Variants in DNAJC11 observed in about 807,000 individuals in gnomAD.
DNAJC11 encodes DnaJ heat shock protein family (Hsp40) member C11, also known as dnaJ homolog subfamily C member 11.
In DNAJC11, 15 loss-of-function variants were observed where a neutral mutation model predicts 78.6. The observed-to-expected ratio is 0.19, with a 90% CI of 0.13 to 0.29. The LOEUF (loss-of-function observed/expected upper bound fraction) is 0.29. Among genes scored for constraint, DNAJC11 ranks in the 10% least tolerant of loss-of-function variants. The pLI, the probability that DNAJC11 is intolerant of heterozygous loss-of-function variation, is 1.00. For missense variants in DNAJC11, 547 were observed against 709.6 expected (o/e 0.77, Z 2.60); for synonymous variants, 292 against 272.1 (o/e 1.07, Z -0.72).
At chr1:6,689,844 T>C (rs111627676) in intron 1 of DNAJC11, among the ~76,000 whole-genome samples, 1,519 of 151,478 alleles carry the variant, frequency 0.01, 16 homozygotes, top group South Asian at 0.021. Flanking sequence ...GGACAGGGAA[T>C]GTGCAACTGG....
At chr1:6,641,100 A>C (rs1641867715) in intron 10 of DNAJC11, among the ~76,000 whole-genome samples, 1 of 151,854 alleles carries the variant, frequency 6.6e-6, no homozygotes, top group African/African-American at 2.4e-5. Context: ...AACACTCAAA[A>C]CTTGGCCAGG....
At chr1:6,662,132 T>TG (rs1234051243) in intron 4 of DNAJC11, among the ~76,000 whole-genome samples, 4 of 146,714 alleles carry the variant, frequency 2.7e-5, no homozygotes, top group South Asian at 4.4e-4. Context: ...TTTTTTGTTT[T>TG]TTGTTTTTTT....
intron 7 of DNAJC11, among the ~76,000 whole-genome samples, chr1:6,646,438 G>A (rs1004426573): frequency 4.6e-5 from 7 of 152,190 alleles, no homozygotes; most frequent in Admixed American, 2.0e-4. Context: ...CCTTCAGTGT[G>A]GGCTTGGAGT....
In DNAJC11 at chr1:6,667,819, A is replaced by C; in HGVS notation, c.277-9T>G. The C allele has an allele frequency of 1.2e-6, 2 of 1,612,804 alleles. No individual in the cohort carries two copies. Among genetic ancestry groups the C allele is most frequent in the Non-Finnish European group, 1.7e-6 (2 of 1,179,300 alleles). On this transcript the variant is annotated splice_polypyrimidine_tract_variant and intron_variant, in intron 3 of 15. Coordinates refer to ENST00000377577, the MANE Select transcript of DNAJC11 (RefSeq NM_018198.4). ...CTCCTCCTTTCCACAACCTATGCAC[A>C]GAATCAAGATGGGAAGACAGTTGAG...
chr1:6,650,168 C>T (rs1234015958), intron 7 of DNAJC11, among the ~76,000 whole-genome samples: 1 of 151,872 alleles, frequency 6.6e-6, no homozygotes, highest in Non-Finnish European at 1.5e-5. Context: ...CCCAGCTACT[C>T]AGGAGGGTCA....
chr1:6,669,680 G>A (rs1002655216), intron 3 of DNAJC11, among the ~76,000 whole-genome samples: 4 of 152,084 alleles, frequency 2.6e-5, no homozygotes, highest in Non-Finnish European at 5.9e-5. Context: ...AGAGGCAACC[G>A]CACTGCACGA....
chr1:6,636,770 G>A (rs561896598), intron 14 of DNAJC11, among the ~76,000 whole-genome samples: 45 of 152,334 alleles, frequency 3.0e-4, no homozygotes, highest in African/African-American at 1.1e-3. Context: ...ATCCCACACA[G>A]TAGATGCTGA....
At position 6,634,179 on chromosome 1, in the gene DNAJC11, G is replaced by C; in HGVS notation, c.*1496C>G. 2.3e-6 allele frequency: 3 copies of C among 1,286,116 alleles called. No homozygotes were observed. The highest frequency in any genetic ancestry group is 2.5e-5 in the South Asian group (2 of 78,578). The allele number at this position is 1,286,116 out of a possible 1,614,324, so 79.7% of individuals were successfully genotyped here. On this transcript the variant is annotated 3_prime_UTR_variant, in exon 16 of 16. Transcript: ENST00000377577. ...GAAGAGCGCCAGCCTCTGCTTTCAG[G>C]AAAGGTTTATTGTGGTGAGTGCCTT...
chr1:6,658,657 A>AG (rs1642165543), intron 4 of DNAJC11, among the ~76,000 whole-genome samples: 1 of 151,976 alleles, frequency 6.6e-6, no homozygotes, highest in African/African-American at 2.4e-5. Context: ...AAATTGAAAA[A>AG]AAAAATTCCC....
Position 6,680,990 on chromosome 1 carries a change from G to A in DNAJC11, c.120C>T (p.Leu40=). 4.3e-6 allele frequency: 7 copies of A among 1,614,018 alleles called. No homozygotes were observed. In the South Asian group the frequency reaches 5.5e-5, roughly 13 times the overall value. ...LKAAYRRLCM[L]YHPDKHRDPE... is the part of the protein sequence containing the mutation. ...GGTCTCTGTGCTTGTCTGGATGGTA[G>A]AGCATACAGAGCCTCCGGTAGGCAG... The change falls in exon 2 of 16, where the codon CTC becomes CTT. Residue 40 remains leucine, a synonymous_variant. Transcript: ENST00000377577. The surrounding 1 kb of genome is among the most constrained non-coding windows in gnomAD (Gnocchi z 4.0).
At position 6,644,626 on chromosome 1, in the gene DNAJC11, G is replaced by T; in HGVS notation, c.1029C>A (p.Ile343=). ...CTGCACCCAAAACGCTGTGCCTGGA[G>T]ATCTTCCTCTCAGCTCCGTACTCCA... ...TVVEYGAERK[I]SRHSVLGAAV... Residue 343 remains isoleucine (I), a synonymous_variant, in exon 10 of 16, where the codon ATC becomes ATA. Transcript: ENST00000377577. 6.2e-7 allele frequency: 1 copy of T among 1,614,196 alleles called. No homozygotes were observed. The highest frequency in any genetic ancestry group is 1.7e-5 in the Admixed American group (1 of 60,026).
chr1:6,653,774 T>G lies in DNAJC11; in HGVS notation c.507+137A>C. 1 of 1,199,930 alleles carries G rather than the reference T, an allele frequency of 8.3e-7. No homozygotes were observed. The highest frequency in any genetic ancestry group is 1.2e-6 in the Non-Finnish European group (1 of 860,802). The allele number at this position is 1,199,930 out of a possible 1,614,324, so 74.3% of individuals were successfully genotyped here. A position where few individuals can be genotyped will look rare whatever the true frequency, so the allele number is the denominator to read the frequency against. Reference sequence around the variant, plus strand: ...CGGCTGGGAATGAAGCGCTTTCTTTTTTAAGTGGCTAATTGCATCCTTTCA... The same window carrying G: ...CGGCTGGGAATGAAGCGCTTTCTTTGTTAAGTGGCTAATTGCATCCTTTCA... On this transcript the variant is annotated intron_variant, in intron 5 of 15. Transcript: ENST00000377577. The surrounding 1 kb of genome is among the most constrained non-coding windows in gnomAD (Gnocchi z 4.5).
chr1:6,694,187 C>T (rs1211667647), intron 1 of DNAJC11, among the ~76,000 whole-genome samples: 3 of 152,002 alleles, frequency 2.0e-5, no homozygotes, highest in African/African-American at 4.8e-5. Flanking sequence ...CCCCTTTCCC[C>T]GGTACCCTGC....
chr1:6,652,816 T>C lies in DNAJC11; in HGVS notation c.630+13A>G, dbSNP rs534843417. On this transcript the variant is annotated intron_variant, in intron 6 of 15. Transcript: ENST00000377577. ...TGCACAGACAACACAACTCAGCCAA[T>C]AGACATTCTTACCTCTCCCCATCCC... 55 of 1,614,044 alleles carry C rather than the reference T, an allele frequency of 3.4e-5. 1 individual carries two copies. In the Middle Eastern group the frequency reaches 4.9e-4, roughly 15 times the overall value.
chr1:6,688,620 G>A (rs1642695307), intron 1 of DNAJC11, among the ~76,000 whole-genome samples: 2 of 152,126 alleles, frequency 1.3e-5, no homozygotes, highest in African/African-American at 2.4e-5. Context: ...ACATTAATGA[G>A]GCAGAAAGAA....
intron 1 of DNAJC11, among the ~76,000 whole-genome samples, chr1:6,689,670 G>C (rs1037520564): frequency 6.6e-6 from 1 of 152,018 alleles, no homozygotes; most frequent in African/African-American, 2.4e-5. Context: ...ATGCTACTCA[G>C]GAGGCTGAGG....
chr1:6,693,687 TTTA>T (rs1377458285), intron 1 of DNAJC11, among the ~76,000 whole-genome samples: 5 of 152,060 alleles, frequency 3.3e-5, no homozygotes, highest in South Asian at 2.1e-4. Flanking sequence ...CAGCCTTTTA[TTTA>T]TTATTATTTT....
intron 1 of DNAJC11, among the ~76,000 whole-genome samples, chr1:6,687,756 A>G (rs763739204): frequency 6.6e-6 from 1 of 152,204 alleles, no homozygotes; most frequent in Non-Finnish European, 1.5e-5. Flanking sequence ...ATATCTTTGG[A>G]AAGTCTGGAA....
intron 1 of DNAJC11, among the ~76,000 whole-genome samples, chr1:6,684,822 CA>C (rs1219435637): frequency 1.3e-5 from 2 of 152,152 alleles, no homozygotes; most frequent in Non-Finnish European, 2.9e-5. Context: ...AGAAATGTAT[CA>C]TACTTTAAGT....
Sources: allele counts gnomAD v4.1 joint callset (sites outside exome capture counted in the v4.1 genomes callset), GRCh38; gene constraint gnomAD v4.1.1; non-coding constraint Gnocchi (gnomAD v3.1); transcripts MANE v1.5; gene names NCBI Gene and HGNC (gene_info 2026-07-23, HGNC 2026-07-21).